Variants in TMEM207 observed in about 807,000 individuals in gnomAD.
TMEM207 encodes the protein transmembrane protein 207.
Under a neutral mutation model 17.4 loss-of-function variants are expected in TMEM207, and 15 were observed. That is an observed-to-expected ratio of 0.86 (90% confidence interval 0.58 to 1.33). The LOEUF is 1.33. TMEM207 is among the 40% of genes most tolerant of loss of function. TMEM207 has a pLI of 0.00. For synonymous variants in TMEM207, 70 were observed against 65.6 expected, an observed-to-expected ratio of 1.07 and a Z score of -0.33; for missense variants, 205 against 173.8, an observed-to-expected ratio of 1.18 and a Z score of -1.01.
intron 4 of TMEM207, among the ~76,000 whole-genome samples, chr3:190,439,241 T>G (rs1283832732): frequency 6.9e-6 from 1 of 144,568 alleles, no homozygotes; most frequent in Admixed American, 6.8e-5. Flanking sequence ...CTCTGTTAAG[T>G]AATAACCTTT....
Position 190,429,730 on chromosome 3 carries a change from CCCTGGAA to C in TMEM207, c.305-6_305del. The stretch of plus-strand genomic sequence containing the variant: ...CAGTTGGACTCACAGCTGCTTCTGT[CCCTGGAA>C]AGAGAAAGATGAAGACTTGTAATCT... On this transcript the variant is annotated splice_acceptor_variant and splice_polypyrimidine_tract_variant and coding_sequence_variant and intron_variant, in exon 5 of 5. Coordinates refer to ENST00000354905, the MANE Select transcript of TMEM207 (RefSeq NM_207316.3). LOFTEE classifies it high-confidence loss of function. 6.3e-7 allele frequency: 1 copy of C among 1,596,978 alleles called. No individual in the cohort carries two copies. The highest frequency in any genetic ancestry group is 8.5e-7 in the Non-Finnish European group (1 of 1,173,058).
intron 4 of TMEM207, among the ~76,000 whole-genome samples, chr3:190,439,950 T>C (rs922452148): frequency 5.9e-5 from 9 of 152,216 alleles, no homozygotes; most frequent in Non-Finnish European, 1.0e-4. Flanking sequence ...ACCATTCACC[T>C]GGACTGCCCA....
At chr3:190,430,250 G>T (rs539658364) in intron 4 of TMEM207, among the ~76,000 whole-genome samples, 61 of 151,898 alleles carry the variant, frequency 4.0e-4, no homozygotes, top group Admixed American at 9.2e-4. Context: ...ACAATAAAGA[G>T]AATATATTCT....
At position 190,429,420 on chromosome 3, in the gene TMEM207, A is replaced by T; in HGVS notation, c.*175T>A. On this transcript the variant is annotated 3_prime_UTR_variant, in exon 5 of 5. Coordinates refer to ENST00000354905, the MANE Select transcript of TMEM207 (RefSeq NM_207316.3). ...AAAAGCCTGCTACTTTACTATTTAA[A>T]CATCTCCATGACCAAAATTTTTTCC... 1 of 757,020 alleles carries T rather than the reference A, an allele frequency of 1.3e-6. No homozygotes were observed. Among genetic ancestry groups the T allele is most frequent in the Non-Finnish European group, 2.1e-6 (1 of 486,232 alleles). The allele number at this position is 757,020 out of a possible 1,614,324, so 46.9% of individuals were successfully genotyped here. A position where few individuals can be genotyped will look rare whatever the true frequency, so the allele number is the denominator to read the frequency against.
chr3:190,431,072 C>T (rs932788631), intron 4 of TMEM207, among the ~76,000 whole-genome samples: 37 of 152,008 alleles, frequency 2.4e-4, no homozygotes, highest in African/African-American at 8.7e-4. Context: ...TCACTGGTAC[C>T]AGAGCAAAGA....
Position 190,449,810 on chromosome 3 carries a change from A to T in TMEM207, c.-1T>A. 6.2e-7 allele frequency: 1 copy of T among 1,613,588 alleles called. No individual in the cohort carries two copies. Among genetic ancestry groups the T allele is most frequent in the Non-Finnish European group, 8.5e-7 (1 of 1,179,584 alleles). ...CACTGAAAAGTCTGGATCTTGACAT[A>T]TTTAAAGGACAGTCAACTTAGGATA... On this transcript the variant is annotated 5_prime_UTR_variant, in exon 1 of 5. Coordinates refer to ENST00000354905, the MANE Select transcript of TMEM207 (RefSeq NM_207316.3).
At chr3:190,429,910 G>C (rs987302931) in intron 4 of TMEM207, among the ~76,000 whole-genome samples, 179 bp from the exon 5 acceptor site, 1 of 72,360 alleles carries the variant, frequency 1.4e-5, no homozygotes, top group East Asian at 3.0e-4. Flanking sequence ...GTCACCACAG[G>C]GGGGAAAAAA....
At position 190,447,790 on chromosome 3, in the gene TMEM207, A is replaced by C. The variant is rs79216051; in HGVS notation, c.113T>G (p.Met38Arg). 1,397 of 1,611,796 alleles carry C rather than the reference A, an allele frequency of 8.7e-4. 9 individuals are homozygous for C. The African/African-American group carries it at 0.015, about 17-fold the overall frequency. Residue 38 changes from methionine (M) to arginine (R), a missense_variant and splice_region_variant, in exon 2 of 5, where the codon ATG (methionine) becomes AGG (arginine). Physicochemically the swap from Met to Arg is moderately conservative, Grantham distance 91 (BLOSUM62 -1). Coordinates refer to ENST00000354905, the MANE Select transcript of TMEM207 (RefSeq NM_207316.3). ...ATGGAGTTTTTCGCTGTTTACTTAC[A>C]TTTCATCTTCTTCGCATGGTAGGTC... is the stretch of plus-strand genomic sequence containing the variant. ...LSDLPCEEDEMCVNYNDQHPN... is the reference protein window; with the variant it reads ...LSDLPCEEDERCVNYNDQHPN...
chr3:190,447,373 A>G (rs1347900155), intron 2 of TMEM207, among the ~76,000 whole-genome samples: 2 of 152,194 alleles, frequency 1.3e-5, no homozygotes, highest in Non-Finnish European at 2.9e-5. Flanking sequence ...ATAGACACAC[A>G]GTACAGGTTA....
rs1719645143 is a variant in TMEM207 at position 190,429,615 on chromosome 3, C to A, written c.421G>T (p.Glu141Ter). ...TAAAATCAGGTTGTTTTTACAATTT[C>A]TTCATATGGAGGTGGGGAGCCTAAA... is the stretch of plus-strand genomic sequence containing the variant. ...GPLGSPPPYE[E>*]IVKTT The change falls in exon 5 of 5, where the codon GAA becomes TAA. Residue 141 changes from glutamate to a stop codon, truncating the protein, a stop_gained. Transcript: ENST00000354905. LOFTEE classifies it high-confidence loss of function. 1 of 1,613,268 alleles carries A rather than the reference C, an allele frequency of 6.2e-7. No individual in the cohort carries two copies. The highest frequency in any genetic ancestry group is 8.5e-7 in the Non-Finnish European group (1 of 1,179,510).
intron 4 of TMEM207, among the ~76,000 whole-genome samples, chr3:190,433,095 G>A (rs1289310901): frequency 6.6e-6 from 1 of 152,082 alleles, no homozygotes; most frequent in Non-Finnish European, 1.5e-5. Flanking sequence ...TTAAAAACAT[G>A]GACAAACAAT....
chr3:190,444,017 A>G (rs1230807668), intron 2 of TMEM207, among the ~76,000 whole-genome samples: 2 of 152,222 alleles, frequency 1.3e-5, no homozygotes, highest in East Asian at 3.9e-4. Context: ...ACGAATGGTT[A>G]GATGAGTTGA....
rs986229305 is a variant in TMEM207, at chr3:190,437,424, A to T, written c.304+2820T>A. 5.9e-5 allele frequency among the ~76,000 whole-genome samples: 9 copies of T among 152,220 alleles called. 1 individual carries two copies. The highest frequency in any genetic ancestry group is 1.9e-4 in the African/African-American group (8 of 41,452). ...AGAGAAGTACATAACATCCTCTAAG[A>T]TAAATAACAGTCACTTTTCCAAGTT... On this transcript the variant is annotated intron_variant, in intron 4 of 4. Transcript: ENST00000354905.
chr3:190,440,288 C>T lies in TMEM207; in HGVS notation c.260G>A (p.Arg87His), dbSNP rs1308004472. Reference sequence around the variant, plus strand: ...TCCAACAGCAAAAACTGCCATGGTGCGCCTGTGAGAATCAATTCGGGGTCT... The same window carrying T: ...TCCAACAGCAAAAACTGCCATGGTGTGCCTGTGAGAATCAATTCGGGGTCT... ...LRRPRIDSHR[R>H]TMAVFAVGDL... The change falls in exon 4 of 5, where the codon CGC (arginine) becomes CAC (histidine). Residue 87 changes from arginine (R) to histidine (H), a missense_variant. Coordinates refer to ENST00000354905, the MANE Select transcript of TMEM207 (RefSeq NM_207316.3). 11 of 1,613,892 alleles carry T rather than the reference C, an allele frequency of 6.8e-6. No individual in the cohort carries two copies. Among genetic ancestry groups the T allele is most frequent in the East Asian group, 6.7e-5 (3 of 44,890 alleles).
At chr3:190,446,554 C>A (rs925448163) in intron 2 of TMEM207, among the ~76,000 whole-genome samples, 15 of 151,786 alleles carry the variant, frequency 9.9e-5, no homozygotes, top group Non-Finnish European at 1.9e-4. Context: ...ATAATGATAA[C>A]CATTACAGAC....
At position 190,441,305 on chromosome 3, in the gene TMEM207, G is replaced by C; in HGVS notation, c.158+133C>G. 3 of 683,980 alleles carry C rather than the reference G, an allele frequency of 4.4e-6. No individual in the cohort carries two copies. In the South Asian group the frequency reaches 5.6e-5, roughly 13 times the overall value. 42.4% of individuals were successfully genotyped at this position (683,980 alleles called of 1,614,324 possible). A position where few individuals can be genotyped will look rare whatever the true frequency, so the allele number is the denominator to read the frequency against. ...CATTGGCCAACGATCTGAAAGTGATGTTTCTATATTCATTTGCATGACCCC... is the reference window on the plus strand; with the variant it reads ...CATTGGCCAACGATCTGAAAGTGATCTTTCTATATTCATTTGCATGACCCC... On this transcript the variant is annotated intron_variant, in intron 3 of 4. Transcript: ENST00000354905.
chr3:190,437,258 A>G (rs1719820402), intron 4 of TMEM207, among the ~76,000 whole-genome samples: 1 of 152,196 alleles, frequency 6.6e-6, no homozygotes, highest in Admixed American at 6.5e-5. Context: ...GTGAGGCTCT[A>G]CTTAGTGTCC....
At chr3:190,447,634 A>T (rs958693278) in intron 2 of TMEM207, among the ~76,000 whole-genome samples, 156 bp downstream of exon 2, 1 of 152,190 alleles carries the variant, frequency 6.6e-6, no homozygotes, top group Non-Finnish European at 1.5e-5. Context: ...AGAAAAAAAA[A>T]TGGAGCCATC....
At chr3:190,436,522 G>A (rs1347024634) in intron 4 of TMEM207, among the ~76,000 whole-genome samples, 1 of 152,230 alleles carries the variant, frequency 6.6e-6, no homozygotes, top group Non-Finnish European at 1.5e-5. Context: ...TCCGCTGTGA[G>A]CACATACTCT....
Sources: gnomAD v4.1 joint callset for allele counts (sites outside exome capture counted in the v4.1 genomes callset) on GRCh38, gnomAD v4.1.1 for gene constraint, MANE v1.5 for transcripts, NCBI Gene and HGNC (gene_info 2026-07-23, HGNC 2026-07-21) for gene names.